AP3M1: variants seen among roughly 807,000 people sequenced by gnomAD.
The protein encoded by AP3M1 is AP-3 complex subunit mu-1.
Under a neutral mutation model 42.6 loss-of-function variants are expected in AP3M1, and 29 were observed. The observed-to-expected ratio is 0.68, with a 90% CI of 0.51 to 0.93. The LOEUF (loss-of-function observed/expected upper bound fraction) is 0.93. Ranked by LOEUF, AP3M1 falls within the 40% of genes least tolerant of loss-of-function variation. The pLI, the probability that AP3M1 is intolerant of heterozygous loss-of-function variation, is 0.00. For missense variants in AP3M1, 416 were observed against 510.2 expected, an observed-to-expected ratio of 0.82 and a Z score of 1.78; for synonymous variants, 178 against 175.3, an observed-to-expected ratio of 1.02 and a Z score of -0.12.
At chr10:74,124,229 G>A in intron 8 of AP3M1, 151 bp downstream of exon 8, 1 of 914,984 alleles carries the variant, frequency 1.1e-6, no homozygotes, top group Non-Finnish European at 1.6e-6. Context: ...TTTGGTCGGT[G>A]CCTGTGAGAC....
At position 74,124,527 on chromosome 10, in the gene AP3M1, T is replaced by G. The variant is rs770857891; in HGVS notation, c.1012-3A>C. 15 of 1,575,578 alleles carry G rather than the reference T, an allele frequency of 9.5e-6. No homozygotes were observed. Among genetic ancestry groups the G allele is most frequent in the Non-Finnish European group, 1.3e-5 (15 of 1,167,038 alleles). ...TTTCCCACATCCCATGTTAGTACCT[T>G]AAAAAGACAAAAAATGAAAAACAAA... On this transcript the variant is annotated splice_region_variant and splice_polypyrimidine_tract_variant and intron_variant, in intron 7 of 8. Transcript: ENST00000355264.
chr10:74,129,491 A>C (rs1840711518), intron 5 of AP3M1, among the ~76,000 whole-genome samples: 1 of 152,208 alleles, frequency 6.6e-6, no homozygotes. Context: ...CAGATTAAAA[A>C]ACTGAGGTTC....
chr10:74,149,688 T>A (rs1032613404), intron 1 of AP3M1, among the ~76,000 whole-genome samples: 1 of 152,276 alleles, frequency 6.6e-6, no homozygotes, highest in African/African-American at 2.4e-5. Context: ...AATTAATCCT[T>A]TCACTTGTAA....
chr10:74,129,882 T>A, intron 5 of AP3M1, 25 bp downstream of exon 5: 6 of 1,506,810 alleles, frequency 4.0e-6, no homozygotes, highest in African/African-American at 1.4e-5. Context: ...TTCAAGGGGC[T>A]ATAAAACAGG....
intron 5 of AP3M1, 55 bp from the exon 6 acceptor site, chr10:74,129,296 TA>T: frequency 6.4e-7 from 1 of 1,568,112 alleles, no homozygotes; most frequent in Non-Finnish European, 8.7e-7. Context: ...ATGGGAACTG[TA>T]CTCAGATACC....
rs58110411 is a variant in AP3M1 at position 74,126,970 on chromosome 10, C to CA, written c.804-616dup. ...TGGGCAAAGGAGCGAGACGCCATCTCAAAAAAAAAAAAAAAAAAAAAAAAA... is the reference window on the plus strand; with the variant it reads ...TGGGCAAAGGAGCGAGACGCCATCTCAAAAAAAAAAAAAAAAAAAAAAAAAA... On this transcript the variant is annotated intron_variant, in intron 6 of 8. Coordinates refer to ENST00000355264, the MANE Select transcript of AP3M1 (RefSeq NM_012095.6). Among the ~76,000 whole-genome samples the CA allele has an allele frequency of 1.6e-3, 51 of 32,352 alleles. 4 individuals carry two copies. The highest frequency in any genetic ancestry group is 0.011 in the South Asian group (4 of 372). The allele number at this position is 32,352 out of a possible 152,430, so 21.2% of individuals were successfully genotyped here.
chr10:74,124,235 G>A (rs1840550563), intron 8 of AP3M1, 145 bp downstream of exon 8: 2 of 991,188 alleles, frequency 2.0e-6, no homozygotes, highest in Non-Finnish European at 2.9e-6. Flanking sequence ...CGGTGCCTGT[G>A]AGACTGCCCC....
chr10:74,126,308 T>G lies in AP3M1; in HGVS notation c.851A>C (p.Glu284Ala). ...VYVKHSISFK[E>A]NSSCGRFDIT... ...ATCAAATCTGCCGCAAGAACTGTTC[T>G]CCTTAAAGCTGATACTATGTTTCAC... The change falls in exon 7 of 9, where the codon GAG (glutamate) becomes GCG (alanine). Residue 284 changes from glutamate to alanine, a missense_variant. By Grantham distance (107) the Glu-to-Ala change is moderately radical (BLOSUM62 -1). Coordinates refer to ENST00000355264, the MANE Select transcript of AP3M1 (RefSeq NM_012095.6). 4 of 1,614,154 alleles carry G rather than the reference T, an allele frequency of 2.5e-6. No homozygotes were observed. Among genetic ancestry groups the G allele is most frequent in the Non-Finnish European group, 3.4e-6 (4 of 1,180,016 alleles).
intron 3 of AP3M1, 124 bp downstream of exon 3, chr10:74,136,508 T>C: frequency 1.5e-6 from 1 of 662,834 alleles, no homozygotes; most frequent in South Asian, 5.4e-5. Context: ...CATTTTAACT[T>C]TACCAGTAAC....
intron 1 of AP3M1, among the ~76,000 whole-genome samples, chr10:74,142,818 T>G (rs1013418244): frequency 6.6e-6 from 1 of 152,260 alleles, no homozygotes; most frequent in African/African-American, 2.4e-5. Context: ...AATCTTTAGC[T>G]GATAAACTTT....
intron 1 of AP3M1, among the ~76,000 whole-genome samples, chr10:74,138,638 G>C (rs1039020414): frequency 2.2e-5 from 3 of 136,658 alleles, no homozygotes; most frequent in Admixed American, 7.3e-5. Flanking sequence ...AGAACAAAAA[G>C]AAACTTCCTC....
At chr10:74,127,520 G>A (rs1026681097) in intron 6 of AP3M1, among the ~76,000 whole-genome samples, 17 of 151,848 alleles carry the variant, frequency 1.1e-4, no homozygotes, top group Non-Finnish European at 2.1e-4. Context: ...TTAGCTGGGC[G>A]CGGTGGCAGG....
intron 6 of AP3M1, chr10:74,128,733 C>A (rs1840690866): frequency 6.6e-6 from 1 of 152,410 alleles, no homozygotes; most frequent in South Asian, 2.1e-4. Flanking sequence ...GCTCTGCTTG[C>A]AAAGTACTCA....
At chr10:74,148,314 G>C (rs1841393421) in intron 1 of AP3M1, among the ~76,000 whole-genome samples, 1 of 152,120 alleles carries the variant, frequency 6.6e-6, no homozygotes, top group South Asian at 2.1e-4. Context: ...CAAAGGGTTT[G>C]CCTTCTCTAA....
At chr10:74,129,680 C>T (rs1391899778) in intron 5 of AP3M1, among the ~76,000 whole-genome samples, 2 of 152,140 alleles carry the variant, frequency 1.3e-5, no homozygotes, top group Admixed American at 6.5e-5. Context: ...GCCAGCCAGC[C>T]AATTTTAAGC....
chr10:74,129,604 C>A (rs776660288), intron 5 of AP3M1, among the ~76,000 whole-genome samples: 4 of 152,096 alleles, frequency 2.6e-5, no homozygotes, highest in Non-Finnish European at 5.9e-5. Flanking sequence ...TACAAAAGAC[C>A]AGTGTCCTTT....
chr10:74,130,986 C>T (rs1219074237), intron 4 of AP3M1, among the ~76,000 whole-genome samples: 2 of 151,702 alleles, frequency 1.3e-5, no homozygotes, highest in Non-Finnish European at 1.5e-5. Context: ...GTGGTGTGTG[C>T]GTGTAGTCCC....
intron 6 of AP3M1, among the ~76,000 whole-genome samples, chr10:74,127,594 G>A (rs1438253360): frequency 6.6e-6 from 1 of 152,002 alleles, no homozygotes; most frequent in Non-Finnish European, 1.5e-5. Context: ...AGGAGGTAGA[G>A]GTTGCAGTGA....
At chr10:74,132,710 C>T (rs1264117007) in intron 4 of AP3M1, among the ~76,000 whole-genome samples, 2 of 124,180 alleles carry the variant, frequency 1.6e-5, no homozygotes, top group Non-Finnish European at 3.7e-5. Context: ...AGACCCTGTA[C>T]TTAAAAAAAA....
Sources: allele counts gnomAD v4.1 joint callset (sites outside exome capture counted in the v4.1 genomes callset), GRCh38; gene constraint gnomAD v4.1.1; transcripts MANE v1.5; gene names NCBI Gene and HGNC (gene_info 2026-07-23, HGNC 2026-07-21).